TMEM117: variants seen among roughly 807,000 people sequenced by gnomAD.
TMEM117 encodes the protein transmembrane protein 117.
In TMEM117, 27 loss-of-function variants were observed where a neutral mutation model predicts 52.4. The ratio of observed to expected loss-of-function variants is 0.51; its 90% CI spans 0.38 to 0.71. TMEM117 has a LOEUF of 0.71. Among genes scored for constraint, TMEM117 ranks in the 30% least tolerant of loss-of-function variants. The pLI is 0.00. For synonymous variants in TMEM117, 215 were observed against 206.3 expected, an observed-to-expected ratio of 1.04 and a Z score of -0.36; for missense variants, 556 against 630.5, an observed-to-expected ratio of 0.88 and a Z score of 1.26.
At chr12:43,987,495 C>A (rs1945867753) in intron 3 of TMEM117, among the ~76,000 whole-genome samples, 1 of 148,276 alleles carries the variant, frequency 6.7e-6, no homozygotes, top group Admixed American at 6.7e-5. Flanking sequence ...CTCACATTGT[C>A]TTGTTTAGAA....
intron 6 of TMEM117, among the ~76,000 whole-genome samples, chr12:44,348,258 C>G (rs1166946580): frequency 1.6e-5 from 2 of 123,044 alleles, no homozygotes; most frequent in African/African-American, 2.9e-5. Context: ...GGGCAATACT[C>G]TTTAAGAATG....
intron 5 of TMEM117, among the ~76,000 whole-genome samples, chr12:44,250,518 A>G (rs1565636995): frequency 2.0e-5 from 3 of 152,326 alleles, no homozygotes; most frequent in East Asian, 3.9e-4. Flanking sequence ...AAATCATTCT[A>G]CTATAAAGAC....
intron 6 of TMEM117, among the ~76,000 whole-genome samples, chr12:44,340,020 C>T (rs903920063): frequency 4.0e-5 from 6 of 151,830 alleles, no homozygotes; most frequent in Admixed American, 2.6e-4. Flanking sequence ...ATAGTTTTTG[C>T]ATTAAAAAGA....
intron 3 of TMEM117, among the ~76,000 whole-genome samples, chr12:43,966,705 C>T (rs920541843): frequency 6.6e-6 from 1 of 152,108 alleles, no homozygotes; most frequent in Non-Finnish European, 1.5e-5. Context: ...TTGTATCAGG[C>T]TGACTATTTA....
the TMEM117 span, chr12:43,802,239 A>G: frequency 7.6e-7 from 1 of 1,323,130 alleles, no homozygotes; most frequent in Admixed American, 2.8e-5. Flanking sequence ...TTTCAAAAAC[A>G]TTTTTCTAGC....
chr12:44,136,272 A>T (rs1948488928), intron 3 of TMEM117, among the ~76,000 whole-genome samples: 1 of 152,150 alleles, frequency 6.6e-6, no homozygotes, highest in African/African-American at 2.4e-5. Context: ...TTTAGTGAAG[A>T]TAAATGAAGT....
intron 6 of TMEM117, among the ~76,000 whole-genome samples, chr12:44,373,875 G>A (rs1014143701): frequency 4.1e-5 from 6 of 146,802 alleles, no homozygotes; most frequent in Non-Finnish European, 8.9e-5. Context: ...TCCGTCTCCC[G>A]GGTTCAAGCA....
At chr12:44,396,137 C>T in the TMEM117 span, among the ~76,000 whole-genome samples, 1 of 152,138 alleles carries the variant, frequency 6.6e-6, no homozygotes, top group Non-Finnish European at 1.5e-5. Context: ...TTTCTCTCCC[C>T]TGTCCAGTGA....
Position 44,366,283 on chromosome 12 carries a change from C to T in TMEM117, c.769-10312C>T, listed in dbSNP as rs569753494. On this transcript the variant is annotated intron_variant, in intron 6 of 7. Transcript: ENST00000266534. ...ATAAAGATAGGCAACTGCTAACAAA[C>T]ATGTAAGGTTCTTTACCCCAGCATG... Among the ~76,000 whole-genome samples, 236 of 152,114 alleles carry T rather than the reference C, an allele frequency of 1.6e-3. 3 individuals carry two copies. Among genetic ancestry groups the T allele is most frequent in the African/African-American group, 5.3e-3 (219 of 41,532 alleles).
At chr12:43,895,583 C>A (rs995161388) in intron 2 of TMEM117, among the ~76,000 whole-genome samples, 1 of 152,038 alleles carries the variant, frequency 6.6e-6, no homozygotes, top group African/African-American at 2.4e-5. Flanking sequence ...TGAATGACAC[C>A]ATCTTCAATA....
intron 5 of TMEM117, among the ~76,000 whole-genome samples, chr12:44,261,518 C>T (rs564120962): frequency 2.6e-5 from 4 of 152,084 alleles, no homozygotes; most frequent in Admixed American, 6.6e-5. Flanking sequence ...ACTGCTTTGG[C>T]TTCAAGGTTT....
intron 3 of TMEM117, among the ~76,000 whole-genome samples, chr12:44,131,951 AT>A (rs1328365651): frequency 1.3e-5 from 2 of 151,664 alleles, no homozygotes; most frequent in Non-Finnish European, 2.9e-5. Flanking sequence ...CCTTGTTTTT[AT>A]TTCATTTTGA....
intron 3 of TMEM117, among the ~76,000 whole-genome samples, chr12:43,999,770 A>T (rs1487369025): frequency 6.6e-6 from 1 of 152,116 alleles, no homozygotes; most frequent in Non-Finnish European, 1.5e-5. Context: ...GGGATTACAG[A>T]TGTGAGCCAC....
chr12:44,012,144 G>A (rs936661364), intron 3 of TMEM117, among the ~76,000 whole-genome samples: 3 of 152,202 alleles, frequency 2.0e-5, no homozygotes, highest in Non-Finnish European at 4.4e-5. Flanking sequence ...TTTCTGAGGG[G>A]AAGTTGGATA....
chr12:43,795,877 T>C, the TMEM117 span: 117 of 888,646 alleles, frequency 1.3e-4, no homozygotes, highest in Middle Eastern at 6.7e-4. Flanking sequence ...AAGGACCATA[T>C]GTAAACAGTT....
At chr12:44,021,652 C>T (rs191658460) in intron 3 of TMEM117, among the ~76,000 whole-genome samples, 126 of 152,334 alleles carry the variant, frequency 8.3e-4, no homozygotes, top group South Asian at 3.7e-3. Flanking sequence ...CATCTGCTAA[C>T]CACAGATAAG....
At chr12:43,906,998 C>T (rs993238471) in intron 2 of TMEM117, among the ~76,000 whole-genome samples, 1 of 152,250 alleles carries the variant, frequency 6.6e-6, no homozygotes, top group Admixed American at 6.5e-5. Flanking sequence ...GCCACCACAG[C>T]TCAAGGAGGC....
intron 3 of TMEM117, among the ~76,000 whole-genome samples, chr12:44,141,349 A>G (rs2138195230): frequency 6.6e-6 from 1 of 152,096 alleles, no homozygotes; most frequent in South Asian, 2.1e-4. Flanking sequence ...TAAGCCTAGT[A>G]CCCATTAATC....
chr12:44,097,254 T>G (rs546761585), intron 3 of TMEM117, among the ~76,000 whole-genome samples: 1 of 152,244 alleles, frequency 6.6e-6, no homozygotes, highest in East Asian at 1.9e-4. Context: ...GGAACACTTT[T>G]ACACTGTTGG....
Sources: gnomAD v4.1 joint callset for allele counts (sites outside exome capture counted in the v4.1 genomes callset) on GRCh38, gnomAD v4.1.1 for gene constraint, MANE v1.5 for transcripts, NCBI Gene and HGNC (gene_info 2026-07-23, HGNC 2026-07-21) for gene names.